Variants in RGS4 observed in about 807,000 individuals in gnomAD.
RGS4 encodes the protein regulator of G protein signaling 4, also known as schizophrenia disorder 9.
RGS4 carries 15 observed loss-of-function variants against 21.6 expected under a neutral mutation model. That is an observed-to-expected ratio of 0.69 (90% CI 0.46 to 1.07). RGS4 has a LOEUF of 1.07. RGS4 is among the 50% of genes least tolerant of loss of function. The pLI is 0.00. For missense variants in RGS4, 237 were observed against 239.0 expected (o/e 0.99, Z 0.06); for synonymous variants, 94 against 85.5 (o/e 1.10, Z -0.55).
chr1:163,069,288 C>G (rs1021407098), upstream of RGS4: 2 of 1,551,242 alleles, frequency 1.3e-6, no homozygotes, highest in African/African-American at 2.7e-5. Context: ...GGAGCTGGTA[C>G]TGCAGAGCGG....
Position 163,073,526 on chromosome 1 carries a change from C to T in RGS4, c.282C>T (p.Ser94=), listed in dbSNP as rs370780643. 16 of 1,610,932 alleles carry T rather than the reference C, an allele frequency of 9.9e-6. No homozygotes were observed. Among genetic ancestry groups the T allele is most frequent in the Non-Finnish European group, 1.2e-5 (14 of 1,178,634 alleles). ...AGGAGAATATTGACTTCTGGATCAG[C>T]TGTGAAGAGTACAAGAAAATCAAAT... ...YSEENIDFWI[S]CEEYKKIKSP... The change falls in exon 4 of 5, where the codon AGC becomes AGT. Residue 94 remains serine (S), a synonymous_variant. Transcript: ENST00000367909.
intron 1 of RGS4, chr1:163,070,612 G>A (rs1208448902): frequency 1.3e-5 from 2 of 152,092 alleles, no homozygotes; most frequent in African/African-American, 2.4e-5. Context: ...TGACCTTCAC[G>A]CTTAATTTTC....
intron 1 of RGS4, 39 bp downstream of exon 1, chr1:163,069,567 G>A: frequency 6.5e-7 from 1 of 1,547,382 alleles, no homozygotes; most frequent in South Asian, 1.1e-5. Context: ...TTAAACTTTT[G>A]GCTAGACTTT....
Position 163,074,740 on chromosome 1 carries a change from T to G in RGS4, c.*180T>G. 1.1e-6 allele frequency: 1 copy of G among 930,186 alleles called. No homozygotes were observed. Among genetic ancestry groups the G allele is most frequent in the Non-Finnish European group, 1.7e-6 (1 of 592,696 alleles). 57.6% of individuals were successfully genotyped at this position (930,186 alleles called of 1,614,324 possible). The stretch of plus-strand genomic sequence containing the variant: ...CTAGATATAGCTTTTGGTGTTTGAG[T>G]GTTCATCAGGGTGGGACCCCATTCC... On this transcript the variant is annotated 3_prime_UTR_variant, in exon 5 of 5. Transcript: ENST00000367909.
chr1:163,074,186 A>G, intron 4 of RGS4, 135 bp from the exon 5 acceptor site: 1 of 1,034,492 alleles, frequency 9.7e-7, no homozygotes, highest in Non-Finnish European at 1.4e-6. Context: ...GCCAAGGAGG[A>G]CCCCAATGTC....
intron 4 of RGS4, 50 bp downstream of exon 4, chr1:163,073,672 G>A: frequency 7.8e-7 from 1 of 1,281,924 alleles, no homozygotes; most frequent in Non-Finnish European, 1.1e-6. Flanking sequence ...TGGAGTATGT[G>A]TGATATTTTG....
At chr1:163,072,330 C>A in intron 1 of RGS4, 65 bp from the exon 2 acceptor site, 1 of 1,254,484 alleles carries the variant, frequency 8.0e-7, no homozygotes. Context: ...TCAAGCTCTA[C>A]CATTAGGTAT....
chr1:163,069,238 C>T (rs1571158004), upstream of RGS4: 1 of 1,541,774 alleles, frequency 6.5e-7, no homozygotes. Context: ...TCTTTTCTTC[C>T]TCATCTCTTT....
Position 163,069,522 on chromosome 1 carries a change from TGAG to T in RGS4, c.43_44+1del, listed in dbSNP as rs1459464965. The T allele has an allele frequency of 6.2e-7, 1 of 1,612,976 alleles. No homozygotes were observed. Among genetic ancestry groups the T allele is most frequent in the Middle Eastern group, 1.7e-4 (1 of 6,036 alleles). On this transcript the variant is annotated inframe_deletion, in exon 1 of 5. Coordinates refer to ENST00000367909, the MANE Select transcript of RGS4 (RefSeq NM_005613.6). Reference sequence around the variant, plus strand: ...CTTGCAGGTCTGCCGGCTTCTTGCTTGAGGAGGTAAGATTGCTTTCAGCCATTA... The same window carrying T: ...CTTGCAGGTCTGCCGGCTTCTTGCTTGAGGTAAGATTGCTTTCAGCCATTA...
chr1:163,073,463 G>A lies in RGS4; in HGVS notation c.219G>A (p.Leu73=), dbSNP rs571810082. The A allele has an allele frequency of 6.3e-7, 1 of 1,578,990 alleles. No individual in the cohort carries two copies. The highest frequency in any genetic ancestry group is 1.9e-5 in the Admixed American group (1 of 51,812). ...CTTTCTCCTGTATCATAGGTGGGCTGGCAGCTTTCAAAGCTTTCTTGAAGT... is the reference window on the plus strand; with the variant it reads ...CTTTCTCCTGTATCATAGGTGGGCTAGCAGCTTTCAAAGCTTTCTTGAAGT... ...LENLISHECG[L]AAFKAFLKSE... The change falls in exon 4 of 5, where the codon CTG becomes CTA. Residue 73 remains leucine (L), a synonymous_variant. Coordinates refer to ENST00000367909, the MANE Select transcript of RGS4 (RefSeq NM_005613.6).
In RGS4 at chr1:163,069,508, G is replaced by T. The variant is rs769710563; in HGVS notation, c.24G>T (p.Leu8=). The part of the protein sequence containing the change: MCKGLAG[L]PASCLRSAKD... ...AGATGTGCAAAGGGCTTGCAGGTCTGCCGGCTTCTTGCTTGAGGAGGTAAG... is the reference window on the plus strand; with the variant it reads ...AGATGTGCAAAGGGCTTGCAGGTCTTCCGGCTTCTTGCTTGAGGAGGTAAG... The change falls in exon 1 of 5, where the codon CTG becomes CTT. Residue 8 remains leucine (L), a synonymous_variant. Coordinates refer to ENST00000367909, the MANE Select transcript of RGS4 (RefSeq NM_005613.6). 2 of 1,613,314 alleles carry T rather than the reference G, an allele frequency of 1.2e-6. No individual in the cohort carries two copies. Among genetic ancestry groups the T allele is most frequent in the African/African-American group, 2.7e-5 (2 of 74,856 alleles).
upstream of RGS4, chr1:163,069,320 C>A (rs1571158126): frequency 2.6e-6 from 4 of 1,551,350 alleles, no homozygotes; most frequent in African/African-American, 4.1e-5. Context: ...GCTGGACGGT[C>A]GTAGCTGGGC....
chr1:163,072,455 C>G lies in RGS4; in HGVS notation c.105C>G (p.His35Gln). The G allele has an allele frequency of 6.2e-7, 1 of 1,613,188 alleles. No homozygotes were observed. Among genetic ancestry groups the G allele is most frequent in the Non-Finnish European group, 8.5e-7 (1 of 1,179,478 alleles). The change falls in exon 2 of 5, where the codon CAC becomes CAG. Residue 35 changes from histidine to glutamine, a missense_variant. Coordinates refer to ENST00000367909, the MANE Select transcript of RGS4 (RefSeq NM_005613.6). ...FLLQKSDSCE[H>Q]NSSHNKKDKV... ...TGCAAAAATCTGATTCCTGTGAACACAATTCTTCCCACAACAAGAAGGACA... is the reference window on the plus strand; with the variant it reads ...TGCAAAAATCTGATTCCTGTGAACAGAATTCTTCCCACAACAAGAAGGACA...
At position 163,073,535 on chromosome 1, in the gene RGS4, G is replaced by C; in HGVS notation, c.291G>C (p.Glu97Asp). ...ENIDFWISCE[E>D]YKKIKSPSKL... ...TTGACTTCTGGATCAGCTGTGAAGA[G>C]TACAAGAAAATCAAATCACCATCTA... is the stretch of plus-strand genomic sequence containing the variant. Residue 97 changes from glutamate (E) to aspartate (D), a missense_variant, in exon 4 of 5, where the codon GAG becomes GAC. Transcript: ENST00000367909. The C allele has an allele frequency of 6.2e-7, 1 of 1,611,984 alleles. No individual in the cohort carries two copies. Among genetic ancestry groups the C allele is most frequent in the Non-Finnish European group, 8.5e-7 (1 of 1,179,060 alleles).
At chr1:163,073,860 A>G (rs1655410187) in intron 4 of RGS4, 2 of 431,376 alleles carry the variant, frequency 4.6e-6, no homozygotes, top group Non-Finnish European at 8.1e-6. Flanking sequence ...ACTAGAACCT[A>G]TTCCCTCTAC....
At chr1:163,070,611 C>T (rs1416029753) in intron 1 of RGS4, 3 of 152,122 alleles carry the variant, frequency 2.0e-5, no homozygotes, top group Admixed American at 6.6e-5. Context: ...CTGACCTTCA[C>T]GCTTAATTTT....
At position 163,072,011 on chromosome 1, in the gene RGS4, G is replaced by A. The variant is rs112110969; in HGVS notation, c.45-384G>A. ...GCAGCAAGGATGTGCATCTTTTGCC[G>A]CTACTGCTTTCTGATTCCTAAAAAT... On this transcript the variant is annotated intron_variant, in intron 1 of 4. Coordinates refer to ENST00000367909, the MANE Select transcript of RGS4 (RefSeq NM_005613.6). 298 of 991,042 alleles carry A rather than the reference G, an allele frequency of 3.0e-4. No homozygotes were observed. The African/African-American group carries it at 4.5e-3, about 15-fold the overall frequency. The allele number at this position is 991,042 out of a possible 1,614,324, so 61.4% of individuals were successfully genotyped here. A position where few individuals can be genotyped will look rare whatever the true frequency, so the allele number is the denominator to read the frequency against.
intron 1 of RGS4, chr1:163,071,861 C>CCCCCCCCCA (rs1655319916): frequency 3.9e-5 from 1 of 25,712 alleles, no homozygotes; most frequent in Non-Finnish European, 2.0e-4. Flanking sequence ...GCTTGCCCCC[C>CCCCCCCCCA]CCCCCCCCCC....
chr1:163,074,173 T>C, intron 4 of RGS4, 148 bp from the exon 5 acceptor site: 8 of 889,870 alleles, frequency 9.0e-6, no homozygotes, highest in African/African-American at 1.7e-5. Flanking sequence ...CTCTCTCACA[T>C]GTGCCAAGGA....
Sources: gnomAD v4.1 joint callset for allele counts on GRCh38, gnomAD v4.1.1 for gene constraint, MANE v1.5 for transcripts, NCBI Gene and HGNC (gene_info 2026-07-23, HGNC 2026-07-21) for gene names.